SPINK5: variants seen among roughly 807,000 people sequenced by gnomAD.
SPINK5 encodes serine peptidase inhibitor Kazal type 5, also known as serine protease inhibitor Kazal-type 5.
A neutral mutation model predicts 151.8 loss-of-function variants in SPINK5; 125 were observed. The ratio of observed to expected loss-of-function variants is 0.82; its 90% CI spans 0.71 to 0.96. The LOEUF (loss-of-function observed/expected upper bound fraction) is 0.96. Ranked by LOEUF, SPINK5 falls within the 40% of genes least tolerant of loss-of-function variation. The pLI, the probability that SPINK5 is intolerant of heterozygous loss-of-function variation, is 0.00. For missense variants in SPINK5, 1,194 were observed against 1,291.9 expected (o/e 0.92, Z 1.16); for synonymous variants, 374 against 395.3 (o/e 0.95, Z 0.64).
At chr5:148,091,091 G>T (rs1753295928) in intron 7 of SPINK5, 74 bp from the exon 8 acceptor site, 3 of 1,280,276 alleles carry the variant, frequency 2.3e-6, no homozygotes, top group South Asian at 2.5e-5. Context: ...ATATGAAAGT[G>T]TTTAGCACAG....
chr5:148,136,029 C>G (rs1221370355), intron 32 of SPINK5, among the ~76,000 whole-genome samples: 1 of 151,990 alleles, frequency 6.6e-6, no homozygotes, highest in East Asian at 1.9e-4. Flanking sequence ...AGAAAATCAT[C>G]CTGGGGGAAA....
intron 22 of SPINK5, 140 bp downstream of exon 22, chr5:148,116,606 G>A (rs1419053681): frequency 2.4e-6 from 2 of 824,166 alleles, no homozygotes; most frequent in Non-Finnish European, 4.1e-6. Flanking sequence ...AGGTTGCAGG[G>A]TAAGATATCA....
At chr5:148,100,390 T>G (rs1167292523) in intron 12 of SPINK5, 64 bp from the exon 13 acceptor site, 2 of 1,548,352 alleles carry the variant, frequency 1.3e-6, no homozygotes, top group Non-Finnish European at 1.8e-6. Flanking sequence ...AATGTAGATG[T>G]TTGAACCTTC....
At chr5:148,092,502 C>T (rs1022053222) in intron 8 of SPINK5, among the ~76,000 whole-genome samples, 1 of 151,608 alleles carries the variant, frequency 6.6e-6, no homozygotes, top group Non-Finnish European at 1.5e-5. Flanking sequence ...TCTGTACTTC[C>T]CTCTTCCTCT....
Position 148,126,963 on chromosome 5 carries a change from T to A in SPINK5, c.2868-20T>A, listed in dbSNP as rs747030114. Reference sequence around the variant, plus strand: ...AGGAACTGTTTCTTATTTTAAATTATTTTTTATTTTCTTCTCTAGTCTAAC... The same window carrying A: ...AGGAACTGTTTCTTATTTTAAATTAATTTTTATTTTCTTCTCTAGTCTAAC... On this transcript the variant is annotated intron_variant, in intron 29 of 32. Transcript: ENST00000256084. The A allele has an allele frequency of 1.9e-6, 3 of 1,572,142 alleles. No homozygotes were observed. The South Asian group carries it at 3.4e-5, about 18-fold the overall frequency.
At chr5:148,078,133 G>C (rs978697474) in intron 4 of SPINK5, among the ~76,000 whole-genome samples, 1 of 150,970 alleles carries the variant, frequency 6.6e-6, no homozygotes, top group African/African-American at 2.4e-5. Flanking sequence ...AACCGTAAGA[G>C]AGCAGGATTG....
chr5:148,093,421 G>A (rs1308095849), intron 8 of SPINK5, among the ~76,000 whole-genome samples: 1 of 151,664 alleles, frequency 6.6e-6, no homozygotes, highest in African/African-American at 2.4e-5. Flanking sequence ...TCTGTCTAAG[G>A]TGAGGGTGAA....
intron 19 of SPINK5, 57 bp from the exon 20 acceptor site, chr5:148,112,811 T>C: frequency 6.2e-7 from 1 of 1,609,802 alleles, no homozygotes; most frequent in Non-Finnish European, 8.5e-7. Context: ...ATTTCTCCTT[T>C]AGGGTAGTAT....
At chr5:148,107,198 C>A (rs754454949) in intron 17 of SPINK5, 34 bp downstream of exon 17, 15 of 1,606,980 alleles carry the variant, frequency 9.3e-6, no homozygotes, top group Non-Finnish European at 1.3e-5. Flanking sequence ...CACTGAATTT[C>A]TTCATCCATG....
intron 18 of SPINK5, 25 bp downstream of exon 18, chr5:148,108,862 C>T: frequency 1.2e-6 from 2 of 1,610,414 alleles, no homozygotes; most frequent in South Asian, 1.1e-5. Context: ...TCATCAGAGC[C>T]ACATAAATAT....
intron 5 of SPINK5, among the ~76,000 whole-genome samples, chr5:148,087,937 A>T (rs1397470513): frequency 6.6e-6 from 1 of 151,334 alleles, no homozygotes; most frequent in African/African-American, 2.4e-5. Flanking sequence ...TTTTTTCTTT[A>T]TATTGTTTTT....
chr5:148,073,273 G>A (rs979951272), intron 4 of SPINK5, among the ~76,000 whole-genome samples: 7 of 151,812 alleles, frequency 4.6e-5, no homozygotes, highest in African/African-American at 9.7e-5. Context: ...GTCTAACAAC[G>A]CTGACATCTT....
At chr5:148,087,115 CT>C (rs139994724) in intron 5 of SPINK5, among the ~76,000 whole-genome samples, 4,794 of 151,578 alleles carry the variant, frequency 0.032, 275 homozygotes, top group African/African-American at 0.11. Flanking sequence ...TTATTAAGTG[CT>C]TAATAATTTG....
intron 4 of SPINK5, among the ~76,000 whole-genome samples, chr5:148,073,337 T>C (rs1752790901): frequency 6.6e-6 from 1 of 151,920 alleles, no homozygotes; most frequent in Non-Finnish European, 1.5e-5. Flanking sequence ...ACAGTAAACA[T>C]AGTCTACTAA....
rs1754396441 is a variant in SPINK5, at chr5:148,125,064, TTTTAGTCTTTC to T, written c.2739+228_2739+238del. ...CTCTGAGAGTGTGTGTCTATTATTG[TTTTAGTCTTTC>T]CTCCTTGGGAGAAATATGGATTGAA... On this transcript the variant is annotated intron_variant, in intron 28 of 32. Transcript: ENST00000256084. 3.7e-5 allele frequency: 20 copies of T among 546,108 alleles called. No individual in the cohort carries two copies. The South Asian group carries it at 6.9e-4, about 19-fold the overall frequency. The allele number at this position is 546,108 out of a possible 1,614,324, so 33.8% of individuals were successfully genotyped here.
intron 13 of SPINK5, 96 bp downstream of exon 13, chr5:148,100,677 A>T: frequency 7.1e-7 from 1 of 1,406,550 alleles, no homozygotes; most frequent in Non-Finnish European, 9.9e-7. Context: ...CAACATAAAA[A>T]TGAAAGAATT....
chr5:148,070,468 TC>T lies in SPINK5; in HGVS notation c.209+19del. ...ATGATACTGTGAGTAAAGGTTTCTT[TC>T]TTTCTTTCCAATGTTTGAGTTAACA... On this transcript the variant is annotated intron_variant, in intron 3 of 32. Transcript: ENST00000256084. The T allele has an allele frequency of 6.2e-7, 1 of 1,611,576 alleles. No homozygotes were observed. The highest frequency in any genetic ancestry group is 8.5e-7 in the Non-Finnish European group (1 of 1,178,382).
At chr5:148,118,959 A>G in intron 23 of SPINK5, 27 bp from the exon 24 acceptor site, 1 of 1,610,618 alleles carries the variant, frequency 6.2e-7, no homozygotes, top group East Asian at 2.2e-5. Flanking sequence ...TGTTAACAAG[A>G]TGAATATTCA....
chr5:148,131,495 A>G, intron 31 of SPINK5, 106 bp downstream of exon 31: 2 of 1,500,782 alleles, frequency 1.3e-6, no homozygotes, highest in South Asian at 2.3e-5. Context: ...GTTGCAAGTA[A>G]TTTATTCATC....
Sources: allele counts gnomAD v4.1 joint callset (sites outside exome capture counted in the v4.1 genomes callset), GRCh38; gene constraint gnomAD v4.1.1; transcripts MANE v1.5; gene names NCBI Gene and HGNC (gene_info 2026-07-23, HGNC 2026-07-21).